Variants in SH3KBP1 observed in about 807,000 individuals in gnomAD.
The protein encoded by SH3KBP1 is SH3 domain-containing kinase-binding protein 1.
A neutral mutation model predicts 50.1 loss-of-function variants in SH3KBP1; 8 were observed. That is an observed-to-expected ratio of 0.16 (90% CI 0.09 to 0.29). The LOEUF (loss-of-function observed/expected upper bound fraction) is 0.29. Ranked by LOEUF, SH3KBP1 falls within the 10% of genes least tolerant of loss-of-function variation. The probability of loss-of-function intolerance (pLI) is 1.00; values close to 1 mark genes in which losing one functional copy is unlikely to be tolerated. For missense variants in SH3KBP1, 377 were observed against 535.2 expected (o/e 0.70, Z 2.92); for synonymous variants, 227 against 218.6 (o/e 1.04, Z -0.34).
intron 2 of SH3KBP1, among the ~76,000 whole-genome samples, chrX:19,756,670 A>AAT (rs2065218605): frequency 9.0e-6 from 1 of 111,405 alleles, no homozygotes. Flanking sequence ...TTAAACTACA[A>AAT]ATATACACGT....
intron 7 of SH3KBP1, among the ~76,000 whole-genome samples, chrX:19,641,119 T>C (rs955048864): frequency 8.9e-6 from 1 of 111,919 alleles, no homozygotes; most frequent in Non-Finnish European, 1.9e-5. Flanking sequence ...CAATTATTTG[T>C]TCAAGACGCC....
At chrX:19,880,240 T>C (rs2069390640) in intron 1 of SH3KBP1, among the ~76,000 whole-genome samples, 1 of 113,072 alleles carries the variant, frequency 8.8e-6, no homozygotes, top group South Asian at 3.6e-4. Flanking sequence ...CAAACAGACC[T>C]TGTCAACATG....
chrX:19,764,986 CTTTTTTTTTT>C (rs34368819), intron 2 of SH3KBP1, among the ~76,000 whole-genome samples: 12 of 44,559 alleles, frequency 2.7e-4, no homozygotes, highest in African/African-American at 8.6e-4. Flanking sequence ...TTTTGCAGTT[CTTTTTTTTTT>C]TTTTTTTTTT....
At chrX:19,687,896 G>T (rs1384430370) in intron 5 of SH3KBP1, among the ~76,000 whole-genome samples, 1 of 112,249 alleles carries the variant, frequency 8.9e-6, no homozygotes, top group Non-Finnish European at 1.9e-5. Flanking sequence ...AAGTCCCCAT[G>T]CAACCAGTAT....
intron 9 of SH3KBP1, among the ~76,000 whole-genome samples, chrX:19,606,117 G>C (rs1414190328): frequency 8.9e-6 from 1 of 112,145 alleles, no homozygotes. Context: ...ATCTGTGTGA[G>C]GCATTTACCA....
intron 2 of SH3KBP1, among the ~76,000 whole-genome samples, chrX:19,806,564 G>A (rs116453429): frequency 0.024 from 2,659 of 111,097 alleles, 84 homozygotes; most frequent in African/African-American, 0.082. Flanking sequence ...AACAGTTATT[G>A]AGATCACAAA....
chrX:19,565,051 A>ATTTTTTTTTTTTTTTTTT (rs59323105), intron 13 of SH3KBP1, among the ~76,000 whole-genome samples: 11 of 66,520 alleles, frequency 1.7e-4, no homozygotes, highest in African/African-American at 8.3e-4. Flanking sequence ...TTCAACTCCA[A>ATTTTTTTTTTTTTTTTTT]TTTTTTTTTT....
At position 19,535,157 on chromosome X, in the gene SH3KBP1, G is replaced by A. The variant is rs1025362766; in HGVS notation, c.*1260C>T. On this transcript the variant is annotated 3_prime_UTR_variant, in exon 18 of 18. Coordinates refer to ENST00000397821, the MANE Select transcript of SH3KBP1 (RefSeq NM_031892.3). ...TGAGAAAACAGTTACATAGTCTAAG[G>A]CTGAACTGTTCATGTACTACAAAGA... 1 of 292,478 alleles carries A rather than the reference G, an allele frequency of 3.4e-6. No homozygotes were observed. The highest frequency in any genetic ancestry group is 6.0e-6 in the Non-Finnish European group (1 of 167,480). 24.1% of individuals were successfully genotyped at this position (292,478 alleles called of 1,213,427 possible).
chrX:19,731,907 TA>T (rs1451259810), intron 3 of SH3KBP1, among the ~76,000 whole-genome samples: 3 of 111,720 alleles, frequency 2.7e-5, no homozygotes, highest in Non-Finnish European at 5.6e-5. Context: ...CCCAAATATA[TA>T]AAAAAATTCA....
At chrX:19,868,107 G>C (rs999696216) in intron 1 of SH3KBP1, among the ~76,000 whole-genome samples, 1 of 112,052 alleles carries the variant, frequency 8.9e-6, no homozygotes, top group African/African-American at 3.2e-5. Flanking sequence ...AATGTATGAT[G>C]AGGTGATTAT....
chrX:19,682,681 G>GA (rs779039276), intron 6 of SH3KBP1, among the ~76,000 whole-genome samples: 3 of 108,026 alleles, frequency 2.8e-5, no homozygotes, highest in Non-Finnish European at 3.8e-5. Flanking sequence ...CTTCAACATT[G>GA]AAAAAAAAAG....
intron 2 of SH3KBP1, among the ~76,000 whole-genome samples, chrX:19,824,752 G>A (rs774389374): frequency 4.0e-4 from 45 of 111,458 alleles, no homozygotes; most frequent in Non-Finnish European, 7.9e-4. Context: ...TCAGTCAGGC[G>A]ATTAAAACTC....
chrX:19,576,174 G>A lies in SH3KBP1; in HGVS notation c.1299-6986C>T, dbSNP rs745859838. On this transcript the variant is annotated intron_variant, in intron 12 of 17. Coordinates refer to ENST00000397821, the MANE Select transcript of SH3KBP1 (RefSeq NM_031892.3). ...TCTTATATTTTACCTAGCAGTTTTC[G>A]TTATGGACACTTAGGACACATGACT... 6.3e-5 allele frequency among the ~76,000 whole-genome samples: 7 copies of A among 111,415 alleles called. No individual in the cohort carries two copies. The South Asian group carries it at 1.9e-3, about 30-fold the overall frequency.
At chrX:19,671,375 CACACACACACACACACACACAT>C (rs1170865307) in intron 6 of SH3KBP1, among the ~76,000 whole-genome samples, 3 of 108,759 alleles carry the variant, frequency 2.8e-5, no homozygotes, top group Non-Finnish European at 3.8e-5. Flanking sequence ...CTCATAAACA[CACACACACACACACACACACAT>C]ACACACACAC....
At chrX:19,750,249 AG>A (rs2065027590) in intron 2 of SH3KBP1, among the ~76,000 whole-genome samples, 1 of 111,750 alleles carries the variant, frequency 8.9e-6, no homozygotes, top group Non-Finnish European at 1.9e-5. Context: ...TAGTAGAGGC[AG>A]AGTTTCGCCA....
At chrX:19,737,992 C>T (rs1226383840) in intron 3 of SH3KBP1, among the ~76,000 whole-genome samples, 1 of 112,461 alleles carries the variant, frequency 8.9e-6, no homozygotes, top group African/African-American at 3.2e-5. Flanking sequence ...ACCATCTCCA[C>T]TCACTTACTC....
At chrX:19,858,336 T>G (rs2068702682) in intron 1 of SH3KBP1, among the ~76,000 whole-genome samples, 1 of 110,100 alleles carries the variant, frequency 9.1e-6, no homozygotes, top group Non-Finnish European at 1.9e-5. Context: ...AAAAATAAAA[T>G]CTCACCAGGT....
intron 3 of SH3KBP1, among the ~76,000 whole-genome samples, chrX:19,737,719 G>A (rs2064633240): frequency 9.0e-6 from 1 of 111,682 alleles, no homozygotes; most frequent in Non-Finnish European, 1.9e-5. Flanking sequence ...CAGTTGCTAG[G>A]TTGGGTCCCC....
chrX:19,613,432 T>C (rs993046433), intron 8 of SH3KBP1, among the ~76,000 whole-genome samples: 8 of 111,911 alleles, frequency 7.1e-5, no homozygotes, highest in Non-Finnish European at 1.5e-4. Flanking sequence ...AGCTGCTGTT[T>C]AGACATAAGC....
Sources: allele counts gnomAD v4.1 joint callset (sites outside exome capture counted in the v4.1 genomes callset), GRCh38; gene constraint gnomAD v4.1.1; transcripts MANE v1.5; gene names NCBI Gene and HGNC (gene_info 2026-07-23, HGNC 2026-07-21).